PALM2AKAP2: variants seen among roughly 807,000 people sequenced by gnomAD.
PALM2AKAP2 encodes PALM2-AKAP2 fusion protein.
A neutral mutation model predicts 71.5 loss-of-function variants in PALM2AKAP2; 37 were observed. The ratio of observed to expected loss-of-function variants is 0.52; its 90% CI spans 0.40 to 0.68. The LOEUF is 0.68. Among genes scored for constraint, PALM2AKAP2 ranks in the 30% least tolerant of loss-of-function variants. The pLI, the probability that PALM2AKAP2 is intolerant of heterozygous loss-of-function variation, is 0.00. For missense variants in PALM2AKAP2, 1,224 were observed against 1,191.8 expected (o/e 1.03, Z -0.40); for synonymous variants, 468 against 478.8 (o/e 0.98, Z 0.29).
chr9:109,823,097 A>G (rs1226860161), intron 1 of PALM2AKAP2, among the ~76,000 whole-genome samples: 6 of 152,278 alleles, frequency 3.9e-5, no homozygotes. Context: ...CAGATCAGCT[A>G]TGGCCAGAGG....
At chr9:109,779,080 A>C (rs531481469), upstream of PALM2AKAP2, among the ~76,000 whole-genome samples, 1 of 152,284 alleles carries the variant, frequency 6.6e-6, no homozygotes, top group South Asian at 2.1e-4. Context: ...TGATGTGTAT[A>C]TCTTTTAACA....
intron 1 of PALM2AKAP2, among the ~76,000 whole-genome samples, chr9:110,093,031 G>A (rs1382778102): frequency 1.3e-5 from 2 of 152,122 alleles, no homozygotes; most frequent in Admixed American, 6.5e-5. Context: ...CCTAGACCAC[G>A]GTGCAGAATG....
At chr9:109,796,868 A>T (rs1345119243) in intron 1 of PALM2AKAP2, among the ~76,000 whole-genome samples, 1 of 152,164 alleles carries the variant, frequency 6.6e-6, no homozygotes, top group Non-Finnish European at 1.5e-5. Context: ...TCAAGATGAG[A>T]TGTGGGTGGG....
At chr9:109,889,056 G>T (rs1237218390) in intron 3 of PALM2AKAP2, among the ~76,000 whole-genome samples, 1 of 152,192 alleles carries the variant, frequency 6.6e-6, no homozygotes, top group Admixed American at 6.5e-5. Flanking sequence ...CCACCGAGTA[G>T]TTCCAGAATA....
chr9:109,931,501 A>G (rs933140725), intron 5 of PALM2AKAP2, among the ~76,000 whole-genome samples: 1 of 152,250 alleles, frequency 6.6e-6, no homozygotes, highest in African/African-American at 2.4e-5. Flanking sequence ...AATCAGACAC[A>G]GAAAGCTTTA....
At chr9:109,770,032 G>T (rs961411774) in intron 1 of PALM2AKAP2, among the ~76,000 whole-genome samples, 2 of 152,104 alleles carry the variant, frequency 1.3e-5, no homozygotes, top group African/African-American at 4.8e-5. Flanking sequence ...GGGATTCCTT[G>T]GCATTTGTGC....
chr9:109,869,423 G>A (rs1030590996), intron 2 of PALM2AKAP2, among the ~76,000 whole-genome samples: 2 of 152,006 alleles, frequency 1.3e-5, no homozygotes, highest in African/African-American at 2.4e-5. Context: ...CCGCCTCCCA[G>A]GTTCACGCCA....
upstream of PALM2AKAP2, among the ~76,000 whole-genome samples, chr9:110,043,795 A>G (rs1352184873): frequency 7.1e-6 from 1 of 140,014 alleles, no homozygotes; most frequent in East Asian, 2.1e-4. Flanking sequence ...ATCATGGCTA[A>G]CTGTAGCCTT....
At chr9:109,778,972 G>C (rs542125398), upstream of PALM2AKAP2, among the ~76,000 whole-genome samples, 1 of 152,206 alleles carries the variant, frequency 6.6e-6, no homozygotes, top group South Asian at 2.1e-4. Flanking sequence ...GTTTCACCAT[G>C]TTGGCCAGGC....
chr9:109,807,235 T>A (rs1488354820), intron 1 of PALM2AKAP2, among the ~76,000 whole-genome samples: 2 of 152,176 alleles, frequency 1.3e-5, no homozygotes, highest in Non-Finnish European at 2.9e-5. Flanking sequence ...GGGATCACCA[T>A]GGGAAGGCCT....
chr9:110,098,758 A>C (rs1257360040), intron 1 of PALM2AKAP2, among the ~76,000 whole-genome samples: 1 of 152,214 alleles, frequency 6.6e-6, no homozygotes, highest in African/African-American at 2.4e-5. Flanking sequence ...CTTAAGAAAG[A>C]ATCGTGACGT....
At chr9:110,131,030 C>T (rs746168535) in intron 1 of PALM2AKAP2, among the ~76,000 whole-genome samples, 19 of 152,140 alleles carry the variant, frequency 1.2e-4, no homozygotes, top group African/African-American at 1.9e-4. Context: ...ACCTGTGGGG[C>T]GTGGGATCTC....
chr9:109,723,317 C>T lies in PALM2AKAP2; in HGVS notation c.6-57171C>T, dbSNP rs571693060. On this transcript the variant is annotated intron_variant, in intron 1 of 6. Coordinates refer to the PALM2AKAP2 transcript ENST00000374531. ...GATGACCCATACCACCGCCCAGCAC[C>T]GACCTTATGTAGCCATACATTGACA... Among the ~76,000 whole-genome samples, 6 of 152,266 alleles carry T rather than the reference C, an allele frequency of 3.9e-5. No individual in the cohort carries two copies. The South Asian group carries it at 1.0e-3, about 26-fold the overall frequency.
intron 1 of PALM2AKAP2, among the ~76,000 whole-genome samples, chr9:109,861,169 T>C (rs1004932384): frequency 2.6e-5 from 4 of 152,144 alleles, no homozygotes; most frequent in Non-Finnish European, 5.9e-5. Flanking sequence ...CTACCTTCCC[T>C]GCTTAGCCTC....
chr9:110,086,214 T>C (rs1400643306), intron 1 of PALM2AKAP2, among the ~76,000 whole-genome samples: 2 of 152,174 alleles, frequency 1.3e-5, no homozygotes, highest in African/African-American at 2.4e-5. Flanking sequence ...TAAACTCTGT[T>C]TGATTTTTAA....
intron 1 of PALM2AKAP2, among the ~76,000 whole-genome samples, chr9:109,775,071 T>C (rs756022154): frequency 1.5e-4 from 23 of 152,232 alleles, no homozygotes; most frequent in Non-Finnish European, 3.2e-4. Flanking sequence ...AAACTGTCAT[T>C]CTAATCTATT....
At chr9:110,157,074 G>A (rs1836476344) in intron 3 of PALM2AKAP2, among the ~76,000 whole-genome samples, 1 of 152,200 alleles carries the variant, frequency 6.6e-6, no homozygotes, top group Non-Finnish European at 1.5e-5. Flanking sequence ...CAAGCCCTCG[G>A]AACTTTGCAC....
At chr9:109,742,557 G>A (rs1828731556) in intron 1 of PALM2AKAP2, among the ~76,000 whole-genome samples, 1 of 152,084 alleles carries the variant, frequency 6.6e-6, no homozygotes, top group Non-Finnish European at 1.5e-5. Flanking sequence ...TTTGTCAAAT[G>A]TACTCATTTG....
chr9:109,709,046 G>T (rs552949461), intron 1 of PALM2AKAP2, among the ~76,000 whole-genome samples: 1 of 152,286 alleles, frequency 6.6e-6, no homozygotes, highest in East Asian at 1.9e-4. Context: ...ACTTGAGCCT[G>T]TCAAGGGGCT....
Sources: gnomAD v4.1 joint callset for allele counts (sites outside exome capture counted in the v4.1 genomes callset) on GRCh38, gnomAD v4.1.1 for gene constraint, MANE v1.5 for transcripts, NCBI Gene and HGNC (gene_info 2026-07-23, HGNC 2026-07-21) for gene names.